EBF3: variants seen among roughly 807,000 people sequenced by gnomAD.
EBF3 encodes EBF transcription factor 3, also known as transcription factor COE3.
Under a neutral mutation model 77.1 loss-of-function variants are expected in EBF3, and 18 were observed. The observed-to-expected ratio is 0.23, with a 90% confidence interval of 0.16 to 0.35. The LOEUF (loss-of-function observed/expected upper bound fraction) is 0.35, where lower values mean the gene tolerates loss of function less well. Ranked by LOEUF, EBF3 falls within the 10% of genes least tolerant of loss-of-function variation. EBF3 has a pLI of 1.00. For missense variants in EBF3, 558 were observed against 860.0 expected, an observed-to-expected ratio of 0.65 and a Z score of 4.39; for synonymous variants, 350 against 343.5, an observed-to-expected ratio of 1.02 and a Z score of -0.21.
At chr10:129,878,600 T>C (rs1589768858) in intron 6 of EBF3, among the ~76,000 whole-genome samples, 1 of 145,514 alleles carries the variant, frequency 6.9e-6, no homozygotes, top group Non-Finnish European at 1.5e-5. Context: ...ACCCAGGAGG[T>C]TCAGTGAGCC....
chr10:129,932,425 G>C (rs1857086907), intron 6 of EBF3, among the ~76,000 whole-genome samples: 1 of 152,214 alleles, frequency 6.6e-6, no homozygotes, highest in Non-Finnish European at 1.5e-5. Context: ...GCCGATCTGA[G>C]AGTGCCACTC....
At position 129,962,198 on chromosome 10, in the gene EBF3, A is replaced by C; in HGVS notation, c.384T>G (p.Val128=). 1 of 1,614,150 alleles carries C rather than the reference A, an allele frequency of 6.2e-7. No homozygotes were observed. Among genetic ancestry groups the C allele is most frequent in the South Asian group, 1.1e-5 (1 of 91,074 alleles). The change falls in exon 4 of 17, where the codon GTT becomes GTG. Residue 128 remains valine (V), a synonymous_variant. Coordinates refer to ENST00000440978, the MANE Select transcript of EBF3 (RefSeq NM_001375380.1). ...GTTTGGTCATTGAATCTATGAGGCG[A>C]ACATACAGATCTTGCTCTGTTCTGA... is the stretch of plus-strand genomic sequence containing the variant. ...NGVRTEQDLY[V]RLIDSMTKQA...
At chr10:129,892,129 G>C (rs1024344165) in intron 6 of EBF3, among the ~76,000 whole-genome samples, 1 of 152,240 alleles carries the variant, frequency 6.6e-6, no homozygotes, top group Non-Finnish European at 1.5e-5. Context: ...AAGTGAACTT[G>C]ACTGAGCAGG....
intron 6 of EBF3, among the ~76,000 whole-genome samples, chr10:129,907,680 TTCAG>T (rs1387784072): frequency 2.0e-5 from 3 of 152,194 alleles, no homozygotes; most frequent in African/African-American, 7.2e-5. Context: ...ATCTTTCAGT[TTCAG>T]TCAATCATAA....
intron 8 of EBF3, 145 bp from the exon 9 acceptor site, chr10:129,868,057 C>A: frequency 8.9e-7 from 1 of 1,125,362 alleles, no homozygotes; most frequent in Non-Finnish European, 1.2e-6. Context: ...AACCGTAGAT[C>A]AGCATGTTGA....
chr10:129,950,205 C>T (rs1858569290), intron 6 of EBF3, among the ~76,000 whole-genome samples: 1 of 152,200 alleles, frequency 6.6e-6, no homozygotes, highest in African/African-American at 2.4e-5. Context: ...CAACCGCGAG[C>T]CCCTTCCTTT....
At chr10:129,946,015 A>C (rs1277998170) in intron 6 of EBF3, among the ~76,000 whole-genome samples, 3 of 140,468 alleles carry the variant, frequency 2.1e-5, no homozygotes, top group East Asian at 2.5e-4. Flanking sequence ...ATTTCCTTCC[A>C]AAAAAAAAAA....
At chr10:129,867,303 CGCTG>C (rs764176914) in intron 9 of EBF3, 36 bp from the exon 10 acceptor site, 1 of 1,611,422 alleles carries the variant, frequency 6.2e-7, no homozygotes, top group East Asian at 2.2e-5. Context: ...CGCTCAGCGG[CGCTG>C]GCTATGAGAG....
intron 6 of EBF3, among the ~76,000 whole-genome samples, chr10:129,905,801 T>C (rs1019689729): frequency 5.9e-5 from 9 of 152,106 alleles, no homozygotes; most frequent in Non-Finnish European, 1.3e-4. Flanking sequence ...CATGGCAACC[T>C]CCCCGCTGGA....
At chr10:129,846,403 G>A (rs956312530) in intron 11 of EBF3, among the ~76,000 whole-genome samples, 2 of 151,840 alleles carry the variant, frequency 1.3e-5, no homozygotes, top group East Asian at 1.9e-4. Context: ...TATCAACTGC[G>A]GGGTGACGCC....
At chr10:129,896,190 C>A (rs1269375014) in intron 6 of EBF3, among the ~76,000 whole-genome samples, 3 of 152,152 alleles carry the variant, frequency 2.0e-5, no homozygotes, top group Admixed American at 2.0e-4. Context: ...TATGATCCAT[C>A]TGAGTTCCCA....
intron 6 of EBF3, among the ~76,000 whole-genome samples, chr10:129,936,042 G>T (rs542538420): frequency 1.3e-5 from 2 of 152,314 alleles, no homozygotes; most frequent in African/African-American, 4.8e-5. Flanking sequence ...AGGTGCAGAT[G>T]GTTCTGGGGG....
intron 10 of EBF3, among the ~76,000 whole-genome samples, chr10:129,865,083 T>A (rs1851905599): frequency 6.6e-6 from 1 of 152,196 alleles, no homozygotes; most frequent in South Asian, 2.1e-4. Context: ...TACAGCCAGA[T>A]GTGCCAAGGG....
intron 6 of EBF3, among the ~76,000 whole-genome samples, chr10:129,951,502 C>T (rs1858678879): frequency 6.6e-6 from 1 of 152,280 alleles, no homozygotes; most frequent in Non-Finnish European, 1.5e-5. Flanking sequence ...GGTTTTCACC[C>T]TTGCACAGGC....
intron 6 of EBF3, among the ~76,000 whole-genome samples, chr10:129,925,069 GGT>G (rs1181042179): frequency 1.6e-5 from 2 of 128,874 alleles, no homozygotes; most frequent in Admixed American, 8.7e-5. Context: ...AGCAAAATGT[GGT>G]GTGTGTGTGC....
At position 129,888,501 on chromosome 10, in the gene EBF3, G is replaced by A. The variant is rs139129756; in HGVS notation, c.555-10652C>T. 6.6e-5 allele frequency among the ~76,000 whole-genome samples: 10 copies of A among 152,346 alleles called. No homozygotes were observed. In the East Asian group the frequency reaches 1.7e-3, roughly 26 times the overall value. Reference sequence around the variant, plus strand: ...GGAGGCCCAGTCCCACTGGTGAATGGCCATTGTGTTTGTCCAGCTACTGAT... The same window carrying A: ...GGAGGCCCAGTCCCACTGGTGAATGACCATTGTGTTTGTCCAGCTACTGAT... On this transcript the variant is annotated intron_variant, in intron 6 of 16. Coordinates refer to ENST00000440978, the MANE Select transcript of EBF3 (RefSeq NM_001375380.1).
intron 6 of EBF3, among the ~76,000 whole-genome samples, chr10:129,910,230 A>G (rs543370477): frequency 2.6e-5 from 4 of 152,342 alleles, no homozygotes; most frequent in African/African-American, 9.6e-5. Context: ...CAATTACTTG[A>G]CATGTGTCCT....
In EBF3 at chr10:129,841,051, C is replaced by CCG. The variant is rs10674137; in HGVS notation, c.1373-20_1373-19insCG. 1 of 1,603,878 alleles carries CCG rather than the reference C, an allele frequency of 6.2e-7. No homozygotes were observed. Among genetic ancestry groups the CCG allele is most frequent in the Non-Finnish European group, 8.5e-7 (1 of 1,175,598 alleles). On this transcript the variant is annotated intron_variant, in intron 13 of 16. Transcript: ENST00000440978. The surrounding 1 kb of genome is among the most constrained non-coding windows in gnomAD (Gnocchi z 4.6). ...TAGCCGACTGTTGAAATCCCCCCCC[C>CCG]GGCCAAAAATAACATTATTATCAGC... is the stretch of plus-strand genomic sequence containing the variant.
At chr10:129,900,662 T>A (rs1464544183) in intron 6 of EBF3, among the ~76,000 whole-genome samples, 1 of 152,264 alleles carries the variant, frequency 6.6e-6, no homozygotes, top group Non-Finnish European at 1.5e-5. Flanking sequence ...AGAGATCTTG[T>A]TTCCTAAACA....
Sources: gnomAD v4.1 joint callset for allele counts (sites outside exome capture counted in the v4.1 genomes callset) on GRCh38, gnomAD v4.1.1 for gene constraint, Gnocchi (gnomAD v3.1) non-coding constraint, MANE v1.5 for transcripts, NCBI Gene and HGNC (gene_info 2026-07-23, HGNC 2026-07-21) for gene names.